FRAS1: variants seen among roughly 807,000 people sequenced by gnomAD.
FRAS1 encodes the protein extracellular matrix organizing protein FRAS1.
Under a neutral mutation model 435.2 loss-of-function variants are expected in FRAS1, and 290 were observed. That is an observed-to-expected ratio of 0.67 (90% CI 0.61 to 0.73). The LOEUF is 0.73. Ranked by LOEUF, FRAS1 falls within the 30% of genes least tolerant of loss-of-function variation. FRAS1 has a pLI of 0.00. For missense variants in FRAS1, 4,860 were observed against 5,001.5 expected (o/e 0.97, Z 0.85); for synonymous variants, 1,800 against 1,851.0 (o/e 0.97, Z 0.71).
rs190036554 is a variant in FRAS1, at chr4:78,241,771, G to T, written c.217-3462G>T. 9.9e-5 allele frequency among the ~76,000 whole-genome samples: 15 copies of T among 152,244 alleles called. No homozygotes were observed. The East Asian group carries it at 2.9e-3, about 29-fold the overall frequency. ...CATTGGAGTGTGGACAGATTTTAAG[G>T]TTGGCTATAACTGTGTGAAATAGAG... On this transcript the variant is annotated intron_variant, in intron 3 of 73. Coordinates refer to ENST00000512123, the MANE Select transcript of FRAS1 (RefSeq NM_025074.7).
intron 2 of FRAS1, among the ~76,000 whole-genome samples, chr4:78,124,090 G>A (rs959829338): frequency 6.6e-6 from 1 of 152,176 alleles, no homozygotes; most frequent in Non-Finnish European, 1.5e-5. Context: ...TGCCCATTCA[G>A]TATGATATTG....
chr4:78,450,127 T>C, intron 44 of FRAS1, 24 bp from the exon 45 acceptor site: 1 of 1,591,854 alleles, frequency 6.3e-7, no homozygotes, highest in South Asian at 1.1e-5. Flanking sequence ...GGGAATAACC[T>C]ACTCTCTTCC....
At chr4:78,528,481 CT>C (rs575978087) in intron 70 of FRAS1, among the ~76,000 whole-genome samples, 1 of 152,014 alleles carries the variant, frequency 6.6e-6, no homozygotes, top group Non-Finnish European at 1.5e-5. Flanking sequence ...GATAAGTTTT[CT>C]TTTTTTAGAG....
At chr4:78,316,374 C>G (rs1480391237) in intron 16 of FRAS1, among the ~76,000 whole-genome samples, 3 of 152,200 alleles carry the variant, frequency 2.0e-5, no homozygotes, top group Non-Finnish European at 4.4e-5. Flanking sequence ...ATGCCCACAT[C>G]CTCACGTCTA....
At chr4:78,101,772 A>G (rs1742145334) in intron 2 of FRAS1, among the ~76,000 whole-genome samples, 1 of 152,224 alleles carries the variant, frequency 6.6e-6, no homozygotes. Context: ...AATGAGGAGA[A>G]GAAATAATTT....
chr4:78,542,052 TGTCCTAGGTATG>T lies in FRAS1; in HGVS notation c.*931_*942del, dbSNP rs1215540692. 2.0e-5 allele frequency: 3 copies of T among 152,218 alleles called. No individual in the cohort carries two copies. Among genetic ancestry groups the T allele is most frequent in the African/African-American group, 7.2e-5 (3 of 41,452 alleles). 9.4% of individuals were successfully genotyped at this position (152,218 alleles called of 1,614,324 possible). A position where few individuals can be genotyped will look rare whatever the true frequency, so the allele number is the denominator to read the frequency against. The stretch of plus-strand genomic sequence containing the variant: ...CCCGTTCCTGTAACAGACAATCCCA[TGTCCTAGGTATG>T]GTTTTTTATTCTGTTAGTGCTTCGG... On this transcript the variant is annotated 3_prime_UTR_variant, in exon 74 of 74. Transcript: ENST00000512123.
intron 2 of FRAS1, among the ~76,000 whole-genome samples, chr4:78,202,750 G>C (rs759113328): frequency 6.6e-6 from 1 of 152,188 alleles, no homozygotes; most frequent in Admixed American, 6.5e-5. Context: ...TAATTGGTCT[G>C]GTGTGGAACA....
chr4:78,473,822 T>G (rs1396047474), intron 53 of FRAS1, among the ~76,000 whole-genome samples: 1 of 152,192 alleles, frequency 6.6e-6, no homozygotes, highest in Non-Finnish European at 1.5e-5. Context: ...CTTGGAATTC[T>G]GAGATGAATT....
At chr4:78,354,023 T>TAAAAAAAAAAAAAAAAAAAAAAAAAA (rs767987937) in intron 20 of FRAS1, among the ~76,000 whole-genome samples, 1 of 105,958 alleles carries the variant, frequency 9.4e-6, no homozygotes, top group Non-Finnish European at 2.2e-5. Context: ...AAAAATAAAA[T>TAAAAAAAAAAAAAAAAAAAAAAAAAA]AAAAAAAAAA....
In FRAS1 at chr4:78,298,906, CTGAG is replaced by C. The variant is rs373801404; in HGVS notation, c.1535-9158_1535-9155del. ...GAATTCCATTGAGATTGATTCATAACTGAGTAAGTTAGTACAGTAGGATAAATAT... is the reference window on the plus strand; with the variant it reads ...GAATTCCATTGAGATTGATTCATAACTAAGTTAGTACAGTAGGATAAATAT... On this transcript the variant is annotated intron_variant, in intron 14 of 73. Transcript: ENST00000512123. Among the ~76,000 whole-genome samples, 18 of 152,192 alleles carry C rather than the reference CTGAG, an allele frequency of 1.2e-4. 1 individual carries two copies. The highest frequency in any genetic ancestry group is 3.4e-4 in the African/African-American group (14 of 41,520).
intron 70 of FRAS1, among the ~76,000 whole-genome samples, chr4:78,529,175 A>G (rs942488375): frequency 2.0e-5 from 3 of 152,156 alleles, no homozygotes. Context: ...TTAAGTCACA[A>G]AGATTCATGG....
At chr4:78,509,315 G>A (rs1168599261) in intron 63 of FRAS1, among the ~76,000 whole-genome samples, 1 of 152,130 alleles carries the variant, frequency 6.6e-6, no homozygotes, top group Admixed American at 6.5e-5. Context: ...CTTTTGCTTG[G>A]CTACTTGACA....
At chr4:78,088,731 A>G (rs1224828874) in intron 2 of FRAS1, among the ~76,000 whole-genome samples, 1 of 152,168 alleles carries the variant, frequency 6.6e-6, no homozygotes, top group Non-Finnish European at 1.5e-5. Context: ...ACAATGAGAT[A>G]CCATCTCACA....
At chr4:78,069,113 C>T (rs559846150) in intron 2 of FRAS1, among the ~76,000 whole-genome samples, 1 of 152,252 alleles carries the variant, frequency 6.6e-6, no homozygotes, top group Admixed American at 6.5e-5. Context: ...TGATTGGTGT[C>T]CCTGTTCCAA....
chr4:78,542,997 CTA>C lies in FRAS1; in HGVS notation c.*1875_*1876del, dbSNP rs1427941291. 6.6e-6 allele frequency: 1 copy of C among 152,314 alleles called. No homozygotes were observed. Among genetic ancestry groups the C allele is most frequent in the African/African-American group, 2.4e-5 (1 of 41,576 alleles). 9.4% of individuals were successfully genotyped at this position (152,314 alleles called of 1,614,324 possible). ...AATGTATCATCAGCAGGAGATGAGA[CTA>C]TGAATTGGCATCCAGAACAGGAGAT... On this transcript the variant is annotated 3_prime_UTR_variant, in exon 74 of 74. Transcript: ENST00000512123.
chr4:78,530,095 A>C (rs376544751), intron 70 of FRAS1, among the ~76,000 whole-genome samples: 54 of 152,048 alleles, frequency 3.6e-4, no homozygotes, highest in African/African-American at 1.3e-3. Flanking sequence ...TTGTAGGAAA[A>C]TTCCACAATG....
chr4:78,529,709 C>T (rs138364338), intron 70 of FRAS1, among the ~76,000 whole-genome samples: 9 of 152,270 alleles, frequency 5.9e-5, no homozygotes, highest in African/African-American at 1.9e-4. Context: ...CCAACCAAGA[C>T]AGCTACTAAG....
At chr4:78,154,610 G>C (rs904463444) in intron 2 of FRAS1, among the ~76,000 whole-genome samples, 1 of 151,964 alleles carries the variant, frequency 6.6e-6, no homozygotes, top group Admixed American at 6.6e-5. Flanking sequence ...AAAGTGTTAC[G>C]TTTCTTTTTA....
intron 2 of FRAS1, among the ~76,000 whole-genome samples, chr4:78,168,786 G>A (rs1049273136): frequency 1.3e-5 from 2 of 152,108 alleles, no homozygotes; most frequent in Non-Finnish European, 2.9e-5. Flanking sequence ...CTTGTGGAAT[G>A]CCTCTGGATT....
Sources: allele counts gnomAD v4.1 joint callset (sites outside exome capture counted in the v4.1 genomes callset), GRCh38; gene constraint gnomAD v4.1.1; transcripts MANE v1.5; gene names NCBI Gene and HGNC (gene_info 2026-07-23, HGNC 2026-07-21).